Variants in TRA2A observed in about 807,000 individuals in gnomAD.
TRA2A encodes transformer 2 alpha homolog, also known as transformer-2 protein homolog alpha.
A neutral mutation model predicts 45.7 loss-of-function variants in TRA2A; 31 were observed. The observed-to-expected ratio is 0.68, with a 90% confidence interval of 0.51 to 0.92. The LOEUF is 0.92. Ranked by LOEUF, TRA2A falls within the 40% of genes least tolerant of loss-of-function variation. TRA2A has a pLI of 0.00. For synonymous variants in TRA2A, 132 were observed against 126.2 expected (o/e 1.05, Z -0.31); for missense variants, 304 against 367.5 (o/e 0.83, Z 1.41).
Position 23,505,228 on chromosome 7 carries a change from T to A in TRA2A, c.*331A>T, listed in dbSNP as rs918538393. 3.4e-5 allele frequency: 9 copies of A among 264,042 alleles called. No individual in the cohort carries two copies. The highest frequency in any genetic ancestry group is 6.3e-5 in the Non-Finnish European group (9 of 142,908). 16.4% of individuals were successfully genotyped at this position (264,042 alleles called of 1,614,324 possible). ...ATACAGTATCTAACACAAAAGAAGC[T>A]TTAAAAAGACAGTTTCTTTCCTTAT... On this transcript the variant is annotated 3_prime_UTR_variant, in exon 8 of 8. Transcript: ENST00000297071.
At chr7:23,506,927 C>T (rs191093243) in intron 5 of TRA2A, among the ~76,000 whole-genome samples, 1 of 152,046 alleles carries the variant, frequency 6.6e-6, no homozygotes, top group Non-Finnish European at 1.5e-5. Flanking sequence ...AGGTGCCTGC[C>T]ACCATGCCCA....
chr7:23,507,318 A>G (rs959270967), intron 5 of TRA2A, 102 bp downstream of exon 5: 30 of 912,234 alleles, frequency 3.3e-5, no homozygotes, highest in East Asian at 7.3e-5. Flanking sequence ...GCCCCTTGCC[A>G]GAATCAATTC....
chr7:23,519,259 T>C (rs1229075728), intron 2 of TRA2A, among the ~76,000 whole-genome samples: 2 of 152,140 alleles, frequency 1.3e-5, no homozygotes, highest in Admixed American at 1.3e-4. Flanking sequence ...TGGGTGTTGG[T>C]GGCGTGTGCC....
intron 6 of TRA2A, 82 bp from the exon 7 acceptor site, chr7:23,505,895 AAAT>A: frequency 6.7e-6 from 6 of 889,624 alleles, no homozygotes; most frequent in South Asian, 6.3e-5. Context: ...TCATCATTCA[AAAT>A]AATAATGTAC....
chr7:23,522,048 T>C lies in TRA2A; in HGVS notation c.37-208A>G, dbSNP rs1790159437. Reference sequence around the variant, plus strand: ...TTCCCTACTTGAACCAGATCACCAATTCTCTATTAACTAAGTAATCATGCA... The same window carrying C: ...TTCCCTACTTGAACCAGATCACCAACTCTCTATTAACTAAGTAATCATGCA... On this transcript the variant is annotated intron_variant, in intron 1 of 7. Transcript: ENST00000297071. 1.1e-5 allele frequency: 15 copies of C among 1,391,156 alleles called. 1 individual carries two copies. The Admixed American group carries it at 4.5e-4, about 42-fold the overall frequency. The allele number at this position is 1,391,156 out of a possible 1,614,324, so 86.2% of individuals were successfully genotyped here. A position where few individuals can be genotyped will look rare whatever the true frequency, so the allele number is the denominator to read the frequency against.
chr7:23,515,961 G>A (rs1390777756), intron 3 of TRA2A, among the ~76,000 whole-genome samples: 1 of 151,864 alleles, frequency 6.6e-6, no homozygotes, highest in African/African-American at 2.4e-5. Flanking sequence ...GATCACCTGA[G>A]GTCAGGAGTT....
rs771827502 is a variant in TRA2A at position 23,505,739 on chromosome 7, C to A, written c.838+7G>T. ...TTTTTTATGCTACAAAAGTAAAGTT[C>A]ACATACTTGGGCTGTAGGAACGAGA... is the stretch of plus-strand genomic sequence containing the variant. On this transcript the variant is annotated splice_region_variant and intron_variant, in intron 7 of 7. Coordinates refer to ENST00000297071, the MANE Select transcript of TRA2A (RefSeq NM_013293.5). The A allele has an allele frequency of 1.3e-6, 2 of 1,535,278 alleles. No homozygotes were observed. The highest frequency in any genetic ancestry group is 1.3e-5 in the South Asian group (1 of 78,904).
intron 1 of TRA2A, among the ~76,000 whole-genome samples, chr7:23,524,158 T>C (rs891383301): frequency 1.6e-4 from 25 of 152,186 alleles, no homozygotes; most frequent in African/African-American, 5.8e-4. Flanking sequence ...CATTATGGTA[T>C]GATAGAATGT....
chr7:23,514,468 T>TA (rs888316683), intron 3 of TRA2A, among the ~76,000 whole-genome samples: 94 of 151,624 alleles, frequency 6.2e-4, no homozygotes, highest in East Asian at 1.4e-3. Context: ...GTCTCACTTA[T>TA]AAAAAAAAAG....
At chr7:23,517,467 G>C (rs1444480089) in intron 2 of TRA2A, among the ~76,000 whole-genome samples, 2 of 29,888 alleles carry the variant, frequency 6.7e-5, no homozygotes, top group East Asian at 1.0e-3. Flanking sequence ...GACAGAGCAA[G>C]ACTACGTCTC....
Position 23,512,945 on chromosome 7 carries a change from T to C in TRA2A, c.474A>G (p.Arg158=), listed in dbSNP as rs1187695896. 1.9e-6 allele frequency: 3 copies of C among 1,613,660 alleles called. No homozygotes were observed. The highest frequency in any genetic ancestry group is 1.7e-5 in the Admixed American group (1 of 59,908). ...VNVVYDQRTG[R]SRGFAFVYFE... is the part of the protein sequence containing the mutation. Reference sequence around the variant, plus strand: ...AATACACAAAAGCAAATCCTCGAGATCGCCCAGTTCGCTGATCATAAACCA... The same window carrying C: ...AATACACAAAAGCAAATCCTCGAGACCGCCCAGTTCGCTGATCATAAACCA... Residue 158 remains arginine, a synonymous_variant, in exon 4 of 8, where the codon CGA becomes CGG. Coordinates refer to ENST00000297071, the MANE Select transcript of TRA2A (RefSeq NM_013293.5).
intron 2 of TRA2A, among the ~76,000 whole-genome samples, chr7:23,517,279 G>A (rs185462081): frequency 1.4e-4 from 21 of 149,502 alleles, no homozygotes; most frequent in Non-Finnish European, 2.8e-4. Flanking sequence ...TCAGGAGATC[G>A]AGACCATCCT....
intron 1 of TRA2A, among the ~76,000 whole-genome samples, chr7:23,528,613 AC>A (rs1207686026): frequency 2.6e-5 from 4 of 151,984 alleles, no homozygotes; most frequent in African/African-American, 9.7e-5. Flanking sequence ...TCTATTTTTA[AC>A]AAAAAATCTA....
At position 23,506,022 on chromosome 7, in the gene TRA2A, G is replaced by A. The variant is rs139620829; in HGVS notation, c.770+116C>T. The stretch of plus-strand genomic sequence containing the variant: ...ACTGCTAACTTCTGCTCCCAAAGGC[G>A]TCATATATGATCTATTTTAAAAATC... On this transcript the variant is annotated intron_variant, in intron 6 of 7. Coordinates refer to ENST00000297071, the MANE Select transcript of TRA2A (RefSeq NM_013293.5). 1.3e-4 allele frequency: 124 copies of A among 946,914 alleles called. 2 individuals carry two copies. The South Asian group carries it at 1.3e-3, about 10-fold the overall frequency. The allele number at this position is 946,914 out of a possible 1,614,324, so 58.7% of individuals were successfully genotyped here. A position where few individuals can be genotyped will look rare whatever the true frequency, so the allele number is the denominator to read the frequency against.
In TRA2A at chr7:23,505,416, C is replaced by T. The variant is rs79995490; in HGVS notation, c.*143G>A. On this transcript the variant is annotated 3_prime_UTR_variant, in exon 8 of 8. Coordinates refer to ENST00000297071, the MANE Select transcript of TRA2A (RefSeq NM_013293.5). The stretch of plus-strand genomic sequence containing the variant: ...AAATGGGTGGAAAACAGCAACACAA[C>T]TGACAAAAGTGTAGATGCTAAATAA... 3,948 of 481,806 alleles carry T rather than the reference C, an allele frequency of 8.2e-3. 140 individuals carry two copies. The highest frequency in any genetic ancestry group is 0.077 in the African/African-American group (3,581 of 46,368). 29.8% of individuals were successfully genotyped at this position (481,806 alleles called of 1,614,324 possible).
At chr7:23,517,165 G>C (rs951120461) in intron 2 of TRA2A, among the ~76,000 whole-genome samples, 34 of 150,030 alleles carry the variant, frequency 2.3e-4, no homozygotes, top group African/African-American at 7.9e-4. Flanking sequence ...TATGTTCCCA[G>C]CTACATGGAA....
chr7:23,522,372 T>C (rs1329604954), intron 1 of TRA2A: 5 of 1,267,334 alleles, frequency 3.9e-6, no homozygotes, highest in Non-Finnish European at 5.1e-6. Context: ...AGCCTTCTTT[T>C]ATCTTGATTT....
intron 1 of TRA2A, among the ~76,000 whole-genome samples, chr7:23,528,388 A>C (rs1790427468): frequency 6.6e-6 from 1 of 152,006 alleles, no homozygotes; most frequent in African/African-American, 2.4e-5. Flanking sequence ...TTGTATTTTT[A>C]GTAGAGACTG....
chr7:23,531,203 C>A, intron 1 of TRA2A: 1 of 986,720 alleles, frequency 1.0e-6, no homozygotes, highest in Non-Finnish European at 1.2e-6. Context: ...CTCGTCCCAC[C>A]TTCAACCTCA....
Sources: allele counts gnomAD v4.1 joint callset (sites outside exome capture counted in the v4.1 genomes callset), GRCh38; gene constraint gnomAD v4.1.1; transcripts MANE v1.5; gene names NCBI Gene and HGNC (gene_info 2026-07-23, HGNC 2026-07-21).